SLC35F3: variants seen among roughly 807,000 people sequenced by gnomAD.
SLC35F3 encodes putative thiamine transporter SLC35F3.
A neutral mutation model predicts 49.9 loss-of-function variants in SLC35F3; 25 were observed. That is an observed-to-expected ratio of 0.50 (90% CI 0.37 to 0.70). The LOEUF (loss-of-function observed/expected upper bound fraction) is 0.70, where lower values mean the gene tolerates loss of function less well. SLC35F3 is among the 30% of genes least tolerant of loss of function. The pLI is 0.00. For synonymous variants in SLC35F3, 275 were observed against 265.4 expected (o/e 1.04, Z -0.35); for missense variants, 525 against 639.8 (o/e 0.82, Z 1.94).
At chr1:234,179,409 C>G (rs903463918) in intron 2 of SLC35F3, among the ~76,000 whole-genome samples, 2 of 152,176 alleles carry the variant, frequency 1.3e-5, no homozygotes, top group African/African-American at 4.8e-5. Flanking sequence ...GCTCTAAAAA[C>G]ATTTTCTTAG....
intron 2 of SLC35F3, among the ~76,000 whole-genome samples, chr1:233,951,232 T>C (rs757854191): frequency 1.3e-5 from 2 of 152,004 alleles, no homozygotes; most frequent in Non-Finnish European, 1.5e-5. Flanking sequence ...AAGATTATAC[T>C]GAAGCTGAAA....
intron 2 of SLC35F3, among the ~76,000 whole-genome samples, chr1:234,179,801 T>A (rs1422398918): frequency 6.6e-6 from 1 of 152,178 alleles, no homozygotes; most frequent in Non-Finnish European, 1.5e-5. Context: ...GAGCAGCACA[T>A]AGCAGAATGA....
chr1:234,029,882 A>G (rs1664032834), intron 2 of SLC35F3, among the ~76,000 whole-genome samples: 1 of 152,174 alleles, frequency 6.6e-6, no homozygotes, highest in African/African-American at 2.4e-5. Flanking sequence ...AATAATTAAA[A>G]GTTAAAAAAA....
intron 2 of SLC35F3, among the ~76,000 whole-genome samples, chr1:234,159,280 A>G (rs1666194346): frequency 6.6e-6 from 1 of 152,194 alleles, no homozygotes; most frequent in African/African-American, 2.4e-5. Context: ...CACTTCAGAC[A>G]CTTAAGAACC....
intron 2 of SLC35F3, among the ~76,000 whole-genome samples, chr1:234,142,451 G>A (rs1665931857): frequency 6.6e-6 from 1 of 152,136 alleles, no homozygotes; most frequent in Non-Finnish European, 1.5e-5. Flanking sequence ...CGGTGGAGAG[G>A]GCTGCTGCAG....
At chr1:234,024,056 C>T (rs1663939928) in intron 2 of SLC35F3, among the ~76,000 whole-genome samples, 1 of 152,026 alleles carries the variant, frequency 6.6e-6, no homozygotes, top group African/African-American at 2.4e-5. Flanking sequence ...TGAATTAATA[C>T]TAATGTATTT....
At chr1:234,301,158 G>A (rs1440248887) in intron 3 of SLC35F3, among the ~76,000 whole-genome samples, 1 of 152,186 alleles carries the variant, frequency 6.6e-6, no homozygotes, top group Non-Finnish European at 1.5e-5. Flanking sequence ...TGATTAAAGA[G>A]TCATCAGCTG....
chr1:234,038,457 A>G (rs1171827639), intron 2 of SLC35F3, among the ~76,000 whole-genome samples: 1 of 151,988 alleles, frequency 6.6e-6, no homozygotes, highest in Non-Finnish European at 1.5e-5. Flanking sequence ...AGCATGATTT[A>G]TAGTCCTTTG....
chr1:234,292,074 T>C (rs1668518194), intron 3 of SLC35F3, among the ~76,000 whole-genome samples: 1 of 152,220 alleles, frequency 6.6e-6, no homozygotes, highest in South Asian at 2.1e-4. Flanking sequence ...TGCTTCTGCA[T>C]CTTGGAGTGA....
chr1:234,243,992 C>T (rs150822183), intron 3 of SLC35F3, among the ~76,000 whole-genome samples: 1 of 152,208 alleles, frequency 6.6e-6, no homozygotes, highest in Non-Finnish European at 1.5e-5. Flanking sequence ...TGGGAGAAGG[C>T]TCACCAACGG....
chr1:233,921,823 G>A (rs1445104936), intron 2 of SLC35F3, among the ~76,000 whole-genome samples: 1 of 125,780 alleles, frequency 8.0e-6, no homozygotes, highest in East Asian at 2.3e-4. Flanking sequence ...AGGCCCCAGT[G>A]TGTGATGTTC....
rs551198202 is a variant in SLC35F3 at position 234,299,746 on chromosome 1, A to G, written c.609-9355A>G. Among the ~76,000 whole-genome samples, 6 of 139,552 alleles carry G rather than the reference A, an allele frequency of 4.3e-5. No individual in the cohort carries two copies. In the East Asian group the frequency reaches 1.1e-3, roughly 25 times the overall value. The allele number at this position is 139,552 out of a possible 152,430, so 91.6% of individuals were successfully genotyped here. On this transcript the variant is annotated intron_variant, in intron 3 of 7. Transcript: ENST00000366618. ...CATGAACCTGGGAGGCAGAGTTTGC[A>G]GTGAGCTGAGATTGCACCACTGCAC...
intron 2 of SLC35F3, among the ~76,000 whole-genome samples, chr1:234,012,282 A>C (rs1208627644): frequency 6.6e-6 from 1 of 152,228 alleles, no homozygotes; most frequent in Non-Finnish European, 1.5e-5. Context: ...ATTGGGTTTT[A>C]TACTGAGACA....
At chr1:233,924,995 A>G (rs1662132620) in intron 2 of SLC35F3, among the ~76,000 whole-genome samples, 1 of 152,208 alleles carries the variant, frequency 6.6e-6, no homozygotes, top group Non-Finnish European at 1.5e-5. Context: ...GTGGTCTGAG[A>G]GACAGTTTGT....
intron 2 of SLC35F3, among the ~76,000 whole-genome samples, chr1:234,158,938 C>G (rs1666190389): frequency 6.6e-6 from 1 of 152,042 alleles, no homozygotes. Flanking sequence ...CCATAGTAGA[C>G]CATACTTTTA....
chr1:233,923,650 G>T lies in SLC35F3; in HGVS notation c.283+17892G>T, dbSNP rs544474071. Among the ~76,000 whole-genome samples the T allele has an allele frequency of 1.9e-4, 29 of 152,176 alleles. No homozygotes were observed. The South Asian group carries it at 3.7e-3, about 20-fold the overall frequency. On this transcript the variant is annotated intron_variant, in intron 2 of 7. Coordinates refer to ENST00000366618, the MANE Select transcript of SLC35F3 (RefSeq NM_173508.4). ...TGAATACCCTTTATTTCCTTCTCCT[G>T]CCTGATTGCCCTGGCCAGAACTTCC...
rs370569228 is a variant in SLC35F3 at position 234,320,074 on chromosome 1, C to T, written c.1148-24C>T. ...GTACACAGCAGTCATGAATAACACT[C>T]GTTGTTTACATTCTTTATTTCAGCA... On this transcript the variant is annotated intron_variant, in intron 6 of 7. Coordinates refer to ENST00000366618, the MANE Select transcript of SLC35F3 (RefSeq NM_173508.4). The surrounding 1 kb of genome is among the most constrained non-coding windows in gnomAD (Gnocchi z 4.8). The T allele has an allele frequency of 6.6e-7, 1 of 1,515,686 alleles. No homozygotes were observed. Among genetic ancestry groups the T allele is most frequent in the Non-Finnish European group, 9.2e-7 (1 of 1,090,430 alleles). The allele number at this position is 1,515,686 out of a possible 1,614,324, so 93.9% of individuals were successfully genotyped here. A position where few individuals can be genotyped will look rare whatever the true frequency, so the allele number is the denominator to read the frequency against.
chr1:234,124,392 A>C (rs1272080338), intron 2 of SLC35F3, among the ~76,000 whole-genome samples: 1 of 152,230 alleles, frequency 6.6e-6, no homozygotes, highest in East Asian at 1.9e-4. Flanking sequence ...TGAATAGAGA[A>C]GATTTAGGGA....
rs1375525832 is a variant in SLC35F3 at position 234,109,697 on chromosome 1, ACTGT to A, written c.284-121716_284-121713del. Among the ~76,000 whole-genome samples the A allele has an allele frequency of 4.5e-4, 68 of 152,296 alleles. 1 individual carries two copies. Among genetic ancestry groups the A allele is most frequent in the Admixed American group, 4.4e-3 (67 of 15,284 alleles). On this transcript the variant is annotated intron_variant, in intron 2 of 7. Transcript: ENST00000366618. ...CAACAGGATGCAAAAGTGAGCTCGT[ACTGT>A]CTGATCTCAAAGATGGTAGGGAGAG...
Sources: gnomAD v4.1 joint callset for allele counts (sites outside exome capture counted in the v4.1 genomes callset) on GRCh38, gnomAD v4.1.1 for gene constraint, Gnocchi (gnomAD v3.1) non-coding constraint, MANE v1.5 for transcripts, NCBI Gene and HGNC (gene_info 2026-07-23, HGNC 2026-07-21) for gene names.